KIF16B: variants seen among roughly 807,000 people sequenced by gnomAD.
The protein encoded by KIF16B is kinesin-like protein KIF16B.
KIF16B carries 98 observed loss-of-function variants against 156.3 expected under a neutral mutation model. The observed-to-expected ratio is 0.63, with a 90% CI of 0.53 to 0.74. The LOEUF is 0.74. KIF16B is among the 30% of genes least tolerant of loss of function. The probability of loss-of-function intolerance (pLI) is 0.00; values close to 1 mark genes in which losing one functional copy is unlikely to be tolerated. For missense variants in KIF16B, 1,421 were observed against 1,606.5 expected (o/e 0.88, Z 1.97); for synonymous variants, 564 against 583.7 (o/e 0.97, Z 0.49).
chr20:16,454,955 A>G (rs1166537274), intron 12 of KIF16B, among the ~76,000 whole-genome samples: 1 of 152,200 alleles, frequency 6.6e-6, no homozygotes, highest in Non-Finnish European at 1.5e-5. Flanking sequence ...GGGACATCTT[A>G]TTCTGGCAGA....
chr20:16,515,155 A>C (rs1051309678), intron 4 of KIF16B, among the ~76,000 whole-genome samples: 14 of 151,742 alleles, frequency 9.2e-5, no homozygotes, highest in African/African-American at 3.1e-4. Context: ...AAGAGTTAGA[A>C]TTTTTTTTAC....
chr20:16,506,889 G>A (rs1189979303), intron 7 of KIF16B, among the ~76,000 whole-genome samples: 2 of 151,632 alleles, frequency 1.3e-5, no homozygotes, highest in Non-Finnish European at 2.9e-5. Context: ...GAGCCCAGGA[G>A]TTCAAGACCA....
At chr20:16,290,054 T>C (rs749123160) in intron 25 of KIF16B, among the ~76,000 whole-genome samples, 23 of 152,242 alleles carry the variant, frequency 1.5e-4, no homozygotes, top group Non-Finnish European at 3.2e-4. Flanking sequence ...ATTATTTTCT[T>C]TGTTTTTAAG....
intron 1 of KIF16B, among the ~76,000 whole-genome samples, chr20:16,571,873 C>A (rs2071468512): frequency 6.6e-6 from 1 of 152,164 alleles, no homozygotes; most frequent in Non-Finnish European, 1.5e-5. Flanking sequence ...TTGTGATCCG[C>A]CCGCCTCGGC....
intron 12 of KIF16B, among the ~76,000 whole-genome samples, chr20:16,430,707 CCT>C (rs1448826593): frequency 1.3e-5 from 2 of 152,018 alleles, no homozygotes; most frequent in African/African-American, 4.8e-5. Flanking sequence ...CACTGACTCT[CCT>C]GATGGTCTCC....
chr20:16,351,837 CT>C (rs958257908), intron 23 of KIF16B, among the ~76,000 whole-genome samples: 5 of 152,146 alleles, frequency 3.3e-5, no homozygotes, highest in African/African-American at 1.2e-4. Flanking sequence ...AAATGATAAC[CT>C]TTTGTATCAT....
intron 17 of KIF16B, among the ~76,000 whole-genome samples, chr20:16,394,468 C>T (rs183333045): frequency 1.3e-5 from 2 of 152,288 alleles, no homozygotes; most frequent in East Asian, 3.9e-4. Context: ...TCTTAACAAG[C>T]TATTTAAGGC....
At chr20:16,385,823 G>A (rs2065217628) in intron 17 of KIF16B, among the ~76,000 whole-genome samples, 1 of 152,120 alleles carries the variant, frequency 6.6e-6, no homozygotes, top group Non-Finnish European at 1.5e-5. Context: ...ACTGTTCTAG[G>A]TACTGTGAAT....
chr20:16,305,636 T>C (rs1401497451), intron 25 of KIF16B, among the ~76,000 whole-genome samples: 1 of 152,216 alleles, frequency 6.6e-6, no homozygotes, highest in African/African-American at 2.4e-5. Context: ...TTATTCCTTC[T>C]AATTGTATTT....
intron 3 of KIF16B, among the ~76,000 whole-genome samples, chr20:16,519,966 C>T (rs914772268): frequency 2.0e-5 from 3 of 152,038 alleles, no homozygotes; most frequent in East Asian, 1.9e-4. Context: ...GGGACTGTGC[C>T]GTGAGGGATG....
chr20:16,452,075 G>A (rs2067096763), intron 12 of KIF16B, among the ~76,000 whole-genome samples: 1 of 152,144 alleles, frequency 6.6e-6, no homozygotes, highest in Admixed American at 6.5e-5. Flanking sequence ...TCTGTAAGTA[G>A]CAGACCCAGA....
At chr20:16,301,578 G>A (rs1445059471) in intron 25 of KIF16B, among the ~76,000 whole-genome samples, 2 of 152,108 alleles carry the variant, frequency 1.3e-5, no homozygotes, top group Admixed American at 6.5e-5. Context: ...AATGACATAT[G>A]TTATTGAGCC....
chr20:16,547,894 T>A (rs535809762), intron 1 of KIF16B, among the ~76,000 whole-genome samples: 2 of 152,270 alleles, frequency 1.3e-5, no homozygotes, highest in South Asian at 4.2e-4. Context: ...GCTCTGCTGC[T>A]CACAGGAATC....
intron 25 of KIF16B, among the ~76,000 whole-genome samples, chr20:16,277,825 C>T (rs560317324): frequency 3.9e-5 from 6 of 152,178 alleles, no homozygotes; most frequent in Non-Finnish European, 7.3e-5. Flanking sequence ...CTGACTTTCA[C>T]AGGACATTTT....
chr20:16,531,047 C>T (rs576849062), intron 1 of KIF16B, among the ~76,000 whole-genome samples: 4 of 152,206 alleles, frequency 2.6e-5, no homozygotes, highest in South Asian at 4.1e-4. Flanking sequence ...ATTTGTTATA[C>T]ACTAAAAGAA....
intron 22 of KIF16B, among the ~76,000 whole-genome samples, chr20:16,364,816 C>T (rs933558851): frequency 1.3e-5 from 2 of 152,182 alleles, no homozygotes; most frequent in East Asian, 3.8e-4. Context: ...TTGTGGCCTT[C>T]TTAGATCATA....
chr20:16,503,649 T>TA (rs2068687543), intron 10 of KIF16B, among the ~76,000 whole-genome samples: 1 of 152,182 alleles, frequency 6.6e-6, no homozygotes, highest in Non-Finnish European at 1.5e-5. Context: ...CTTCAACATT[T>TA]AAAAAAGCTA....
chr20:16,462,587 G>C (rs1381776651), intron 12 of KIF16B, among the ~76,000 whole-genome samples: 1 of 152,086 alleles, frequency 6.6e-6, no homozygotes, highest in Non-Finnish European at 1.5e-5. Flanking sequence ...TCTAAATTTA[G>C]ATACATCAGA....
chr20:16,543,550 C>T (rs563897472), intron 1 of KIF16B, among the ~76,000 whole-genome samples: 1 of 152,190 alleles, frequency 6.6e-6, no homozygotes, highest in Non-Finnish European at 1.5e-5. Context: ...TATCTTGGAA[C>T]CCTGGTTCTA....
Sources: gnomAD v4.1 joint callset for allele counts (sites outside exome capture counted in the v4.1 genomes callset) on GRCh38, gnomAD v4.1.1 for gene constraint, MANE v1.5 for transcripts, NCBI Gene and HGNC (gene_info 2026-07-23, HGNC 2026-07-21) for gene names.